MAP7: variants seen among roughly 807,000 people sequenced by gnomAD.
The protein encoded by MAP7 is microtubule associated protein 7.
Under a neutral mutation model 94.8 loss-of-function variants are expected in MAP7, and 52 were observed. The observed-to-expected ratio is 0.55, with a 90% CI of 0.44 to 0.69. The LOEUF is 0.69. Among genes scored for constraint, MAP7 ranks in the 30% least tolerant of loss-of-function variants. The pLI, the probability that MAP7 is intolerant of heterozygous loss-of-function variation, is 0.00. For missense variants in MAP7, 940 were observed against 964.6 expected (o/e 0.97, Z 0.34); for synonymous variants, 350 against 357.0 (o/e 0.98, Z 0.22).
rs1786830197 is a variant in MAP7, at chr6:136,342,890, T to C, written c.*1338A>G. On this transcript the variant is annotated 3_prime_UTR_variant, in exon 18 of 18. Coordinates refer to ENST00000354570, the MANE Select transcript of MAP7 (RefSeq NM_003980.6). ...CCCCCAAATTAATGTTTTCACAAAT[T>C]ACAAGCCATTACTAAAGACCATATG... The C allele has an allele frequency of 6.6e-6, 1 of 152,000 alleles. No homozygotes were observed. Among genetic ancestry groups the C allele is most frequent in the Non-Finnish European group, 1.5e-5 (1 of 68,034 alleles). 9.4% of individuals were successfully genotyped at this position (152,000 alleles called of 1,614,324 possible).
chr6:136,492,302 T>G (rs73777915), intron 1 of MAP7, among the ~76,000 whole-genome samples: 2,849 of 152,320 alleles, frequency 0.019, 75 homozygotes, highest in African/African-American at 0.065. Context: ...ATGAACACAG[T>G]TATCTCTAAG....
chr6:136,480,614 C>G (rs955655041), intron 1 of MAP7, among the ~76,000 whole-genome samples: 2 of 136,494 alleles, frequency 1.5e-5, no homozygotes, highest in African/African-American at 5.5e-5. Context: ...TGCACTCCAG[C>G]CTGGGTGACA....
intron 6 of MAP7, among the ~76,000 whole-genome samples, chr6:136,379,632 T>C (rs1398218675): frequency 6.6e-6 from 1 of 152,132 alleles, no homozygotes; most frequent in Non-Finnish European, 1.5e-5. Context: ...GGGAAGAAAG[T>C]TAAACTCTTC....
chr6:136,453,926 G>A (rs976574684), intron 1 of MAP7, among the ~76,000 whole-genome samples: 10 of 152,262 alleles, frequency 6.6e-5, no homozygotes, highest in African/African-American at 2.2e-4. Flanking sequence ...AAATCTAAGT[G>A]TTCATCAAGA....
chr6:136,547,340 C>T (rs936609427), intron 1 of MAP7, among the ~76,000 whole-genome samples: 1 of 152,226 alleles, frequency 6.6e-6, no homozygotes, highest in Non-Finnish European at 1.5e-5. Context: ...TAATCAAAAG[C>T]AGCTTTAAAT....
chr6:136,442,511 C>T (rs898782333), intron 1 of MAP7, among the ~76,000 whole-genome samples: 15 of 151,828 alleles, frequency 9.9e-5, no homozygotes, highest in South Asian at 8.3e-4. Flanking sequence ...GTATGAAAAT[C>T]ACCTTTGGGC....
chr6:136,362,259 T>A (rs1014970601), intron 11 of MAP7, among the ~76,000 whole-genome samples, 191 bp downstream of exon 11: 7 of 151,646 alleles, frequency 4.6e-5, no homozygotes, highest in Admixed American at 1.3e-4. Context: ...CATTTCTATT[T>A]AAAAAAAAGA....
chr6:136,485,716 C>T (rs998736807), intron 1 of MAP7, among the ~76,000 whole-genome samples: 15 of 151,762 alleles, frequency 9.9e-5, no homozygotes, highest in African/African-American at 3.1e-4. Context: ...GCGCCCGCCA[C>T]TACGCCCGGC....
intron 3 of MAP7, among the ~76,000 whole-genome samples, chr6:136,394,763 T>C (rs1047271805): frequency 1.3e-5 from 2 of 151,044 alleles, no homozygotes; most frequent in Non-Finnish European, 3.0e-5. Context: ...ACCACTCGAC[T>C]CACTACCTCC....
chr6:136,370,465 A>G (rs926387413), intron 8 of MAP7, among the ~76,000 whole-genome samples: 1 of 152,254 alleles, frequency 6.6e-6, no homozygotes, highest in Admixed American at 6.5e-5. Context: ...TCCCATGTTC[A>G]TAGCAGCGTT....
intron 1 of MAP7, among the ~76,000 whole-genome samples, chr6:136,549,505 T>G (rs1419099347): frequency 6.6e-6 from 1 of 152,054 alleles, no homozygotes; most frequent in Non-Finnish European, 1.5e-5. Context: ...GCCTTGCTGC[T>G]GGTCTTGGGA....
intron 1 of MAP7, chr6:136,526,281 A>G (rs888985382): frequency 2.8e-4 from 229 of 809,898 alleles, no homozygotes; most frequent in South Asian, 4.2e-4. Context: ...GCGCGCGCAC[A>G]CACACACACA....
At chr6:136,388,695 G>A (rs1198954100) in intron 4 of MAP7, among the ~76,000 whole-genome samples, 185 bp from the exon 5 acceptor site, 1 of 152,118 alleles carries the variant, frequency 6.6e-6, no homozygotes, top group Non-Finnish European at 1.5e-5. Flanking sequence ...TTAGTCATTA[G>A]GTCCCAGTTC....
rs1050644242 is a variant in MAP7 at position 136,362,560 on chromosome 6, G to A, written c.1416C>T (p.Gly472=). ...TTGTGGCCTCCTCTGGGTCGGTGGTGCCTGCAGAAGTCTTAACAGAAGCAC... is the reference window on the plus strand; with the variant it reads ...TTGTGGCCTCCTCTGGGTCGGTGGTACCTGCAGAAGTCTTAACAGAAGCAC... ...NASASVKTSA[G]TTDPEEATRL... Residue 472 remains glycine, a synonymous_variant, in exon 11 of 18, where the codon GGC becomes GGT. Transcript: ENST00000354570. 10 of 1,613,966 alleles carry A rather than the reference G, an allele frequency of 6.2e-6. No homozygotes were observed. Among genetic ancestry groups the A allele is most frequent in the Non-Finnish European group, 8.5e-6 (10 of 1,180,032 alleles).
intron 3 of MAP7, among the ~76,000 whole-genome samples, chr6:136,391,450 T>C (rs1291558960): frequency 2.0e-5 from 3 of 148,166 alleles, no homozygotes; most frequent in African/African-American, 5.0e-5. Context: ...TACCTAATGC[T>C]AGATGACACA....
chr6:136,441,012 A>G (rs949951294), intron 1 of MAP7, among the ~76,000 whole-genome samples: 1 of 152,132 alleles, frequency 6.6e-6, no homozygotes, highest in Non-Finnish European at 1.5e-5. Context: ...GTTGTCCTAA[A>G]TGACAGGATT....
intron 1 of MAP7, among the ~76,000 whole-genome samples, chr6:136,466,437 C>G (rs1194920312): frequency 6.6e-6 from 1 of 150,438 alleles, no homozygotes; most frequent in Non-Finnish European, 1.5e-5. Flanking sequence ...TTGTTTTTGT[C>G]AAAAAAAGAA....
intron 1 of MAP7, among the ~76,000 whole-genome samples, chr6:136,524,064 AC>A (rs1827161453): frequency 6.6e-6 from 1 of 151,576 alleles, no homozygotes; most frequent in Middle Eastern, 3.2e-3. Flanking sequence ...TAATGGTGAA[AC>A]CCCGTCTCTA....
At chr6:136,444,466 T>C (rs1798750784) in intron 1 of MAP7, among the ~76,000 whole-genome samples, 1 of 152,244 alleles carries the variant, frequency 6.6e-6, no homozygotes, top group Non-Finnish European at 1.5e-5. Context: ...GCATTTGTTA[T>C]AAGCTAAATT....
Sources: gnomAD v4.1 joint callset for allele counts (sites outside exome capture counted in the v4.1 genomes callset) on GRCh38, gnomAD v4.1.1 for gene constraint, MANE v1.5 for transcripts, NCBI Gene and HGNC (gene_info 2026-07-23, HGNC 2026-07-21) for gene names.